Variants in SH3RF2 observed in about 807,000 individuals in gnomAD.
The protein encoded by SH3RF2 is E3 ubiquitin-protein ligase SH3RF2.
In SH3RF2, 43 loss-of-function variants were observed where a neutral mutation model predicts 59.0. That is an observed-to-expected ratio of 0.73 (90% CI 0.57 to 0.94). The LOEUF (loss-of-function observed/expected upper bound fraction) is 0.94. SH3RF2 is among the 40% of genes least tolerant of loss of function. The pLI, the probability that SH3RF2 is intolerant of heterozygous loss-of-function variation, is 0.00. For synonymous variants in SH3RF2, 391 were observed against 391.5 expected, an observed-to-expected ratio of 1.00 and a Z score of 0.01; for missense variants, 930 against 940.1, an observed-to-expected ratio of 0.99 and a Z score of 0.14.
chr5:145,986,423 G>A (rs914331400), intron 2 of SH3RF2, among the ~76,000 whole-genome samples: 9 of 152,108 alleles, frequency 5.9e-5, no homozygotes, highest in African/African-American at 1.7e-4. Context: ...CACCCACCAC[G>A]TGCCACACCT....
rs144757162 is a variant in SH3RF2, at chr5:145,992,708, C to T, written c.379-7350C>T. Among the ~76,000 whole-genome samples the T allele has an allele frequency of 8.1e-4, 123 of 152,260 alleles. 1 individual carries two copies. The highest frequency in any genetic ancestry group is 2.8e-3 in the African/African-American group (117 of 41,546). On this transcript the variant is annotated intron_variant, in intron 2 of 9. Transcript: ENST00000359120. The stretch of plus-strand genomic sequence containing the variant: ...CATCAGATCTCATGAGACTTATTCA[C>T]TATCATAAGAACAGCACAGGAAAGA...
intron 2 of SH3RF2, among the ~76,000 whole-genome samples, chr5:145,991,229 G>T (rs1263774106): frequency 6.6e-6 from 1 of 152,188 alleles, no homozygotes; most frequent in South Asian, 2.1e-4. Context: ...TACACTGGCT[G>T]TGTGACCTTG....
chr5:146,023,543 G>A (rs1424744992), intron 5 of SH3RF2, among the ~76,000 whole-genome samples: 1 of 152,138 alleles, frequency 6.6e-6, no homozygotes, highest in Non-Finnish European at 1.5e-5. Context: ...TAGAACTAGA[G>A]GCTTGAAAGC....
rs749648989 is a variant in SH3RF2 at position 146,013,729 on chromosome 5, G to A, written c.745-18G>A. The A allele has an allele frequency of 1.2e-6, 2 of 1,612,280 alleles. No homozygotes were observed. The highest frequency in any genetic ancestry group is 3.4e-5 in the Admixed American group (2 of 59,394). The stretch of plus-strand genomic sequence containing the variant: ...GATCAGGAAGACAAACTTCTCATTG[G>A]ACCTTTTGTCTTTTCAGCCAAACCT... On this transcript the variant is annotated intron_variant, in intron 4 of 9. Transcript: ENST00000359120.
intron 5 of SH3RF2, among the ~76,000 whole-genome samples, chr5:146,023,079 C>T (rs1247398568): frequency 6.6e-6 from 1 of 151,974 alleles, no homozygotes; most frequent in African/African-American, 2.4e-5. Context: ...CCCTCCTTCT[C>T]CCTTAACCAT....
intron 2 of SH3RF2, among the ~76,000 whole-genome samples, chr5:145,969,483 G>C (rs1013246222): frequency 6.6e-6 from 1 of 152,190 alleles, no homozygotes; most frequent in East Asian, 1.9e-4. Flanking sequence ...AGTGGTGATG[G>C]AAAAGAGGCA....
chr5:145,952,399 C>T (rs922624670), intron 2 of SH3RF2, among the ~76,000 whole-genome samples: 2 of 151,844 alleles, frequency 1.3e-5, no homozygotes, highest in Admixed American at 6.6e-5. Flanking sequence ...TTTAACAGCA[C>T]TATAGAAAAA....
At chr5:146,002,890 C>T (rs1395753024) in intron 3 of SH3RF2, among the ~76,000 whole-genome samples, 1 of 152,146 alleles carries the variant, frequency 6.6e-6, no homozygotes, top group Non-Finnish European at 1.5e-5. Context: ...TATCCTCTAC[C>T]CTCTATCCCC....
intron 9 of SH3RF2, among the ~76,000 whole-genome samples, chr5:146,075,170 G>T (rs1163584120): frequency 6.6e-6 from 1 of 152,126 alleles, no homozygotes; most frequent in Non-Finnish European, 1.5e-5. Context: ...TCTACCTGTA[G>T]GATTTTCTAT....
At chr5:146,004,245 G>T in intron 4 of SH3RF2, 92 bp downstream of exon 4, 1 of 1,003,014 alleles carries the variant, frequency 1.0e-6, no homozygotes, top group Non-Finnish European at 1.5e-6. Flanking sequence ...TATTTGCTAT[G>T]AGGCTTATTT....
At position 146,022,874 on chromosome 5, in the gene SH3RF2, AACACACACACACACAC is replaced by A. The variant is rs57377156; in HGVS notation, c.1059+8847_1059+8862del. Among the ~76,000 whole-genome samples the A allele has an allele frequency of 5.7e-3, 802 of 141,702 alleles. 18 individuals are homozygous for A. The East Asian group carries it at 0.083, about 15-fold the overall frequency. 93.0% of individuals were successfully genotyped at this position (141,702 alleles called of 152,430 possible). On this transcript the variant is annotated intron_variant, in intron 5 of 9. Coordinates refer to ENST00000359120, the MANE Select transcript of SH3RF2 (RefSeq NM_152550.4). Reference sequence around the variant, plus strand: ...GTGACACAGAGCAAGGCTCCATCTAAACACACACACACACACACACACACACACACACACACACACA... The same window carrying A: ...GTGACACAGAGCAAGGCTCCATCTAAACACACACACACACACACACACACA...
chr5:146,058,526 A>G (rs2150021180), intron 8 of SH3RF2, among the ~76,000 whole-genome samples: 1 of 152,346 alleles, frequency 6.6e-6, no homozygotes, highest in East Asian at 1.9e-4. Flanking sequence ...TCATGTACAC[A>G]TCTGGCTTAA....
At chr5:146,017,389 G>C (rs910188885) in intron 5 of SH3RF2, among the ~76,000 whole-genome samples, 2 of 152,104 alleles carry the variant, frequency 1.3e-5, no homozygotes, top group Non-Finnish European at 2.9e-5. Flanking sequence ...CATGTGCAGG[G>C]CCCTCCCTGG....
At chr5:145,983,309 C>T (rs1171787006) in intron 2 of SH3RF2, among the ~76,000 whole-genome samples, 1 of 150,014 alleles carries the variant, frequency 6.7e-6, no homozygotes, top group Non-Finnish European at 1.5e-5. Flanking sequence ...CGAAAACCAG[C>T]ATTTACTGAG....
intron 5 of SH3RF2, among the ~76,000 whole-genome samples, chr5:146,030,259 G>A (rs1761694331): frequency 6.6e-6 from 1 of 152,158 alleles, no homozygotes; most frequent in African/African-American, 2.4e-5. Context: ...AATATGGTGT[G>A]TCTACCATGT....
Position 146,060,025 on chromosome 5 carries a change from C to G in SH3RF2, c.1715C>G (p.Ser572Cys). The change falls in exon 9 of 10, where the codon TCC (serine) becomes TGC (cysteine). Residue 572 changes from serine to cysteine, a missense_variant. Transcript: ENST00000359120. Reference protein sequence around the residue: ...SPSAVVVEMGSKPALTGEPAL... With the variant: ...SPSAVVVEMGCKPALTGEPAL... Reference sequence around the variant, plus strand: ...TCAGCCGTGGTGGTGGAGATGGGGTCCAAGCCTGCCCTCACGGGGGAGCCC... The same window carrying G: ...TCAGCCGTGGTGGTGGAGATGGGGTGCAAGCCTGCCCTCACGGGGGAGCCC... 1 of 1,610,470 alleles carries G rather than the reference C, an allele frequency of 6.2e-7. No individual in the cohort carries two copies. The highest frequency in any genetic ancestry group is 8.5e-7 in the Non-Finnish European group (1 of 1,178,198).
At chr5:146,022,877 AC>A (rs1561747536) in intron 5 of SH3RF2, among the ~76,000 whole-genome samples, 353 of 7,306 alleles carry the variant, frequency 0.048, 2 homozygotes, top group African/African-American at 0.049. Flanking sequence ...CCATCTAAAC[AC>A]ACACACACAC....
At chr5:146,018,065 A>ATTAGGTAT (rs1561744826) in intron 5 of SH3RF2, among the ~76,000 whole-genome samples, 1 of 152,138 alleles carries the variant, frequency 6.6e-6, no homozygotes, top group East Asian at 1.9e-4. Context: ...GGAGTGAAAG[A>ATTAGGTAT]TTAGGTATTT....
chr5:145,938,217 C>T lies in SH3RF2; in HGVS notation c.289C>T (p.Gln97Ter). ...SFRRPGTMTL[Q>*]DGRKSRTNPR... The stretch of plus-strand genomic sequence containing the variant: ...CCGCAGGCCTGGCACGATGACCTTG[C>T]AGGATGGCAGGAAAAGCAGGACCAA... The change falls in exon 2 of 10, where the codon CAG becomes TAG. Residue 97 changes from glutamine to a stop codon, truncating the protein, a stop_gained. Coordinates refer to ENST00000359120, the MANE Select transcript of SH3RF2 (RefSeq NM_152550.4). LOFTEE classifies it high-confidence loss of function. The T allele has an allele frequency of 6.2e-7, 1 of 1,612,636 alleles. No individual in the cohort carries two copies. The highest frequency in any genetic ancestry group is 8.5e-7 in the Non-Finnish European group (1 of 1,179,930).
Sources: allele counts gnomAD v4.1 joint callset (sites outside exome capture counted in the v4.1 genomes callset), GRCh38; gene constraint gnomAD v4.1.1; transcripts MANE v1.5; gene names NCBI Gene and HGNC (gene_info 2026-07-23, HGNC 2026-07-21).